DHX57: variants seen among roughly 807,000 people sequenced by gnomAD.
The protein encoded by DHX57 is putative ATP-dependent RNA helicase DHX57.
In DHX57, 105 loss-of-function variants were observed where a neutral mutation model predicts 156.2. The observed-to-expected ratio is 0.67, with a 90% CI of 0.57 to 0.79. DHX57 has a LOEUF of 0.79. DHX57 is among the 30% of genes least tolerant of loss of function. DHX57 has a pLI of 0.00. For synonymous variants in DHX57, 704 were observed against 595.6 expected, an observed-to-expected ratio of 1.18 and a Z score of -2.65; for missense variants, 1,847 against 1,661.9, an observed-to-expected ratio of 1.11 and a Z score of -1.94.
At chr2:38,836,030 T>C (rs566921598) in intron 13 of DHX57, among the ~76,000 whole-genome samples, 10 of 152,222 alleles carry the variant, frequency 6.6e-5, no homozygotes, top group African/African-American at 2.2e-4. Context: ...AGGAAGAAGA[T>C]GTAAAAGAAG....
rs137881809 is a variant in DHX57, at chr2:38,825,201, A to T, written c.3014+646T>A. Among the ~76,000 whole-genome samples the T allele has an allele frequency of 3.3e-5, 5 of 152,318 alleles. No homozygotes were observed. In the East Asian group the frequency reaches 9.6e-4, roughly 29 times the overall value. On this transcript the variant is annotated intron_variant, in intron 16 of 23. Transcript: ENST00000457308. ...CAATTTTACATTTTTATTAACATGT[A>T]TATTTTTGGTACCTAGCCTTTTCTC...
chr2:38,825,868 G>A lies in DHX57; in HGVS notation c.2993C>T (p.Pro998Leu), dbSNP rs760412234. Residue 998 changes from proline to leucine, a missense_variant, in exon 16 of 24, where the codon CCA (proline) becomes CTA (leucine). By Grantham distance (98) the Pro-to-Leu change is moderately conservative. Transcript: ENST00000457308. ...KQQLPEIQRVPLEQLCLRIKI... is the reference protein window; with the variant it reads ...KQQLPEIQRVLLEQLCLRIKI... ...TCACCTTAGACACAGCTGTTCCAATGGCACTCTTTGTATTTCTGGTAGCTG... is the reference window on the plus strand; with the variant it reads ...TCACCTTAGACACAGCTGTTCCAATAGCACTCTTTGTATTTCTGGTAGCTG... 3.1e-6 allele frequency: 5 copies of A among 1,614,084 alleles called. No homozygotes were observed. The highest frequency in any genetic ancestry group is 4.2e-6 in the Non-Finnish European group (5 of 1,180,008).
In DHX57 at chr2:38,830,282, A is replaced by G. The variant is rs1163861895; in HGVS notation, c.2543-1846T>C. 3.3e-5 allele frequency among the ~76,000 whole-genome samples: 5 copies of G among 152,310 alleles called. No homozygotes were observed. In the East Asian group the frequency reaches 9.6e-4, roughly 29 times the overall value. ...ATTTTAAAAAATACCTCACAGTAAC[A>G]AAGAATGTTCACATATATTATCCCA... On this transcript the variant is annotated intron_variant, in intron 13 of 23. Transcript: ENST00000457308.
chr2:38,803,095 C>A, intron 22 of DHX57, 180 bp from the exon 23 acceptor site: 2 of 608,002 alleles, frequency 3.3e-6, no homozygotes, highest in Non-Finnish European at 5.7e-6. Flanking sequence ...TCCTCTTGGA[C>A]ATTTAATACA....
At chr2:38,835,706 T>G (rs1671616848) in intron 13 of DHX57, among the ~76,000 whole-genome samples, 1 of 152,222 alleles carries the variant, frequency 6.6e-6, no homozygotes, top group African/African-American at 2.4e-5. Context: ...CATGAAAGTC[T>G]GGAAGGATTA....
chr2:38,874,079 T>A (rs998170745), intron 1 of DHX57, among the ~76,000 whole-genome samples: 1 of 149,600 alleles, frequency 6.7e-6, no homozygotes, highest in Non-Finnish European at 1.5e-5. Context: ...AGGAATACTG[T>A]CTTTTCTTTT....
intron 14 of DHX57, 60 bp downstream of exon 14, chr2:38,828,277 GTGA>G: frequency 2.4e-6 from 3 of 1,275,450 alleles, no homozygotes; most frequent in Non-Finnish European, 3.3e-6. Context: ...TCTAAAGAGG[GTGA>G]TGATATCTTT....
In DHX57 at chr2:38,803,353, T is replaced by C. The variant is rs550788753; in HGVS notation, c.3817-438A>G. The stretch of plus-strand genomic sequence containing the variant: ...ATGATGCTCCCATTCACCCAGCTGC[T>C]CAGGCCCCCAATTTAGGAGTCATCA... On this transcript the variant is annotated intron_variant, in intron 22 of 23. Transcript: ENST00000457308. 5.3e-5 allele frequency among the ~76,000 whole-genome samples: 8 copies of C among 152,206 alleles called. No individual in the cohort carries two copies. The East Asian group carries it at 1.5e-3, about 29-fold the overall frequency.
In DHX57 at chr2:38,799,193, G is replaced by A. The variant is rs1046318824; in HGVS notation, c.4018-751C>T. 3.3e-5 allele frequency among the ~76,000 whole-genome samples: 5 copies of A among 150,990 alleles called. No homozygotes were observed. The East Asian group carries it at 9.9e-4, about 30-fold the overall frequency. On this transcript the variant is annotated intron_variant, in intron 23 of 23. Transcript: ENST00000457308. Reference sequence around the variant, plus strand: ...AGCCTGACCAATGTGGAGAAACCCCGTCTCTTAGTACTAAAAGTACAAAAT... The same window carrying A: ...AGCCTGACCAATGTGGAGAAACCCCATCTCTTAGTACTAAAAGTACAAAAT...
intron 12 of DHX57, chr2:38,838,842 C>T (rs776875597): frequency 4.4e-6 from 2 of 452,998 alleles, no homozygotes; most frequent in Non-Finnish European, 8.9e-6. Context: ...CCCTCACAAT[C>T]TCCCCACTCA....
chr2:38,841,522 C>A (rs1282883385), intron 12 of DHX57, among the ~76,000 whole-genome samples: 1 of 152,184 alleles, frequency 6.6e-6, no homozygotes, highest in African/African-American at 2.4e-5. Flanking sequence ...ATCTTAATTC[C>A]TTGGTGATTA....
chr2:38,837,201 C>T (rs1231442717), intron 13 of DHX57, among the ~76,000 whole-genome samples: 2 of 152,110 alleles, frequency 1.3e-5, no homozygotes, highest in Non-Finnish European at 2.9e-5. Flanking sequence ...TCTACTGAGC[C>T]TTAACTATAC....
rs545001600 is a variant in DHX57, at chr2:38,837,855, C to T, written c.2518G>A (p.Asp840Asn). 5 of 1,610,012 alleles carry T rather than the reference C, an allele frequency of 3.1e-6. No homozygotes were observed. Among genetic ancestry groups the T allele is most frequent in the Admixed American group, 3.3e-5 (2 of 59,972 alleles). Residue 840 changes from aspartate (D) to asparagine (N), a missense_variant, in exon 13 of 24, where the codon GAT becomes AAT. By Grantham distance (23) the Asp-to-Asn change is conservative. Transcript: ENST00000457308. ...LIEALLEWIV[D>N]GKHSYPPGAI... is the part of the protein sequence containing the mutation. Reference sequence around the variant, plus strand: ...CCTGGAGGGTAGGAGTGCTTTCCATCCACAATCCACTCTAATAAGGCCTCT... The same window carrying T: ...CCTGGAGGGTAGGAGTGCTTTCCATTCACAATCCACTCTAATAAGGCCTCT...
At chr2:38,812,862 T>TTG (rs1291009847) in intron 21 of DHX57, among the ~76,000 whole-genome samples, 1 of 151,260 alleles carries the variant, frequency 6.6e-6, no homozygotes, top group Non-Finnish European at 1.5e-5. Context: ...GTTTGTTTGT[T>TTG]TTTGAGACAG....
rs1250089531 is a variant in DHX57, at chr2:38,861,529, G to A, written c.881C>T (p.Thr294Ile). ...RFRKSKPKESTKNVQENSLEI... is the reference protein window; with the variant it reads ...RFRKSKPKESIKNVQENSLEI... ...AAGTGAATTCTCTTGTACATTTTTG[G>A]TACTTTCTTTTGGCTTGGATTTGCG... Residue 294 changes from threonine to isoleucine, a missense_variant, in exon 5 of 24, where the codon ACC becomes ATC. By Grantham distance (89) the Thr-to-Ile change is moderately conservative (BLOSUM62 -1). Transcript: ENST00000457308. 3.1e-6 allele frequency: 5 copies of A among 1,613,990 alleles called. No homozygotes were observed. Among genetic ancestry groups the A allele is most frequent in the South Asian group, 1.1e-5 (1 of 91,068 alleles).
chr2:38,839,570 AAT>A lies in DHX57; in HGVS notation c.2426-1625_2426-1624del, dbSNP rs567073053. ...CTACTAAAAATACAAAAAAAAAAAA[AAT>A]TAGCCAGGCATGGTGGTGGGTGCCT... On this transcript the variant is annotated intron_variant, in intron 12 of 23. Coordinates refer to ENST00000457308, the MANE Select transcript of DHX57 (RefSeq NM_198963.3). Among the ~76,000 whole-genome samples, 47 of 151,706 alleles carry A rather than the reference AAT, an allele frequency of 3.1e-4. 2 individuals are homozygous for A. The South Asian group carries it at 6.9e-3, about 22-fold the overall frequency.
chr2:38,856,282 C>A, intron 7 of DHX57, 58 bp downstream of exon 7: 2 of 1,565,244 alleles, frequency 1.3e-6, no homozygotes, highest in Non-Finnish European at 1.7e-6. Context: ...GTTATGGTAA[C>A]CAGGGTGCAT....
At chr2:38,873,199 C>T (rs914130625) in intron 1 of DHX57, among the ~76,000 whole-genome samples, 5 of 152,208 alleles carry the variant, frequency 3.3e-5, no homozygotes, top group Non-Finnish European at 7.3e-5. Context: ...CCATGTTGGT[C>T]AGGCTGGTCT....
chr2:38,798,312 A>T lies in DHX57; in HGVS notation c.4148T>A (p.Val1383Asp). Reference protein sequence around the residue: ...SRIISTIVKLVTTQ With the variant: ...SRIISTIVKLDTTQ Reference sequence around the variant, plus strand: ...TAAGACTGCTTTTTATTGTGTGGTGACAAGTTTCACAATTGTGCTGATGAT... The same window carrying T: ...TAAGACTGCTTTTTATTGTGTGGTGTCAAGTTTCACAATTGTGCTGATGAT... Residue 1383 changes from valine to aspartate, a missense_variant, in exon 24 of 24, where the codon GTC becomes GAC. Transcript: ENST00000457308. The T allele has an allele frequency of 6.2e-7, 1 of 1,612,880 alleles. No homozygotes were observed. Among genetic ancestry groups the T allele is most frequent in the Non-Finnish European group, 8.5e-7 (1 of 1,179,648 alleles).
Sources: gnomAD v4.1 joint callset for allele counts (sites outside exome capture counted in the v4.1 genomes callset) on GRCh38, gnomAD v4.1.1 for gene constraint, MANE v1.5 for transcripts, NCBI Gene and HGNC (gene_info 2026-07-23, HGNC 2026-07-21) for gene names.